Variants in CORO2B observed in about 807,000 individuals in gnomAD.
CORO2B encodes coronin 2B, also known as coronin-2B.
Under a neutral mutation model 58.8 loss-of-function variants are expected in CORO2B, and 26 were observed. The ratio of observed to expected loss-of-function variants is 0.44; its 90% CI spans 0.32 to 0.61. CORO2B has a LOEUF of 0.61. Ranked by LOEUF, CORO2B falls within the 20% of genes least tolerant of loss-of-function variation. The pLI, the probability that CORO2B is intolerant of heterozygous loss-of-function variation, is 0.04. For synonymous variants in CORO2B, 242 were observed against 253.8 expected, an observed-to-expected ratio of 0.95 and a Z score of 0.44; for missense variants, 460 against 645.1, an observed-to-expected ratio of 0.71 and a Z score of 3.11.
chr15:68,617,181 T>C (rs56327959), intron 1 of CORO2B, among the ~76,000 whole-genome samples: 5,550 of 151,360 alleles, frequency 0.037, 347 homozygotes, highest in African/African-American at 0.12. Context: ...GGGAATGGGA[T>C]GAGTCATATC....
At chr15:68,646,715 C>T (rs192645539) in intron 2 of CORO2B, among the ~76,000 whole-genome samples, 1 of 152,316 alleles carries the variant, frequency 6.6e-6, no homozygotes, top group East Asian at 1.9e-4. Flanking sequence ...TCCTCCTCTG[C>T]CTACATCTGT....
At chr15:68,680,022 G>A (rs892371942) in intron 2 of CORO2B, among the ~76,000 whole-genome samples, 3 of 151,996 alleles carry the variant, frequency 2.0e-5, no homozygotes, top group African/African-American at 7.3e-5. Flanking sequence ...AGTCTCTATG[G>A]TGTCTGGGCA....
chr15:68,683,759 G>A (rs984332786), intron 2 of CORO2B, among the ~76,000 whole-genome samples: 10 of 152,208 alleles, frequency 6.6e-5, no homozygotes, highest in African/African-American at 2.4e-4. Context: ...GCAAGAGAGT[G>A]TGGCCTTGGT....
chr15:68,719,339 C>T (rs1043643016), intron 10 of CORO2B, 74 bp from the exon 11 acceptor site: 1 of 1,603,314 alleles, frequency 6.2e-7, no homozygotes, highest in African/African-American at 1.3e-5. Context: ...AACTTCCCTC[C>T]CACCCAGCCT....
the CORO2B span, among the ~76,000 whole-genome samples, chr15:68,528,183 T>A: frequency 6.6e-6 from 1 of 152,168 alleles, no homozygotes; most frequent in East Asian, 1.9e-4. Flanking sequence ...TGAATAGAAG[T>A]AATAAAAGCA....
the CORO2B span, among the ~76,000 whole-genome samples, chr15:68,521,770 TTTTC>T: frequency 3.9e-5 from 6 of 151,912 alleles, no homozygotes; most frequent in Non-Finnish European, 7.4e-5. Context: ...TTGTTTTTTT[TTTTC>T]TTTCTCACTT....
intron 2 of CORO2B, among the ~76,000 whole-genome samples, chr15:68,670,192 T>C (rs1406650895): frequency 6.6e-6 from 1 of 152,142 alleles, no homozygotes; most frequent in Non-Finnish European, 1.5e-5. Flanking sequence ...TGTTTTGTTT[T>C]GAGACAGGAT....
chr15:68,615,806 C>A (rs572196743), intron 1 of CORO2B, among the ~76,000 whole-genome samples: 3 of 152,232 alleles, frequency 2.0e-5, no homozygotes, highest in Admixed American at 2.0e-4. Context: ...ACCTCCAGAG[C>A]CATGAGAAAT....
intron 1 of CORO2B, among the ~76,000 whole-genome samples, chr15:68,628,390 C>A (rs993707201): frequency 6.6e-6 from 1 of 152,194 alleles, no homozygotes; most frequent in African/African-American, 2.4e-5. Context: ...AAGATAATAG[C>A]GCCTGCCTCA....
At chr15:68,553,401 T>C in the CORO2B span, among the ~76,000 whole-genome samples, 1 of 151,798 alleles carries the variant, frequency 6.6e-6, no homozygotes, top group Admixed American at 6.6e-5. Context: ...GAGAGCGAGA[T>C]GTGATGATGG....
chr15:68,628,209 C>T (rs903308962), intron 1 of CORO2B, among the ~76,000 whole-genome samples: 1 of 152,234 alleles, frequency 6.6e-6, no homozygotes, highest in Non-Finnish European at 1.5e-5. Flanking sequence ...GCAGGCATGA[C>T]CTCATTTAAT....
the CORO2B span, among the ~76,000 whole-genome samples, chr15:68,532,738 G>C: frequency 6.6e-6 from 1 of 152,064 alleles, no homozygotes; most frequent in African/African-American, 2.4e-5. Context: ...TCAGTATTTT[G>C]TTGCCTTTGT....
chr15:68,623,080 A>C (rs1374140145), intron 1 of CORO2B, among the ~76,000 whole-genome samples: 1 of 152,122 alleles, frequency 6.6e-6, no homozygotes, highest in Non-Finnish European at 1.5e-5. Context: ...CAGGAGAATC[A>C]CTTGAACCTG....
Position 68,597,079 on chromosome 15 carries a change from CT to C in CORO2B, c.15+17815del, listed in dbSNP as rs755518983. On this transcript the variant is annotated intron_variant, in intron 1 of 11. Transcript: ENST00000261861. ...GTATTTTGAGCAGAAGCATATATAT[CT>C]TTTTTTTTTTTTCCTGCAGGGAATT... 6.8e-3 allele frequency among the ~76,000 whole-genome samples: 1,001 copies of C among 146,374 alleles called. 5 individuals carry two copies. Among genetic ancestry groups the C allele is most frequent in the African/African-American group, 0.015 (590 of 40,302 alleles).
chr15:68,676,301 A>T lies in CORO2B; in HGVS notation c.217-18839A>T, dbSNP rs562982960. ...TAGCGTCCGCATCTGTGGGTGAGGG[A>T]CATAGGAGTCATGATGAGCTGCACA... On this transcript the variant is annotated intron_variant, in intron 2 of 11. Coordinates refer to ENST00000261861, the MANE Select transcript of CORO2B (RefSeq NM_006091.5). Among the ~76,000 whole-genome samples the T allele has an allele frequency of 6.6e-5, 10 of 152,304 alleles. No individual in the cohort carries two copies. In the East Asian group the frequency reaches 1.9e-3, roughly 29 times the overall value.
At chr15:68,717,555 A>G (rs891284249) in intron 8 of CORO2B, among the ~76,000 whole-genome samples, 1 of 152,156 alleles carries the variant, frequency 6.6e-6, no homozygotes, top group African/African-American at 2.4e-5. Context: ...AGGGCTCAGA[A>G]TGACTCACTT....
At chr15:68,568,563 G>T in the CORO2B span, among the ~76,000 whole-genome samples, 1 of 152,042 alleles carries the variant, frequency 6.6e-6, no homozygotes, top group Non-Finnish European at 1.5e-5. Flanking sequence ...TAGATTTCTG[G>T]GACATCTGGG....
At chr15:68,551,562 A>G in the CORO2B span, among the ~76,000 whole-genome samples, 1 of 151,918 alleles carries the variant, frequency 6.6e-6, no homozygotes, top group Non-Finnish European at 1.5e-5. Context: ...CCCTGGCCCT[A>G]ACCAACCACC....
intron 1 of CORO2B, among the ~76,000 whole-genome samples, chr15:68,611,290 A>G (rs943436134): frequency 6.6e-6 from 1 of 152,196 alleles, no homozygotes; most frequent in African/African-American, 2.4e-5. Context: ...ATTCTGGAAA[A>G]TTTGAAAAAT....
Sources: allele counts gnomAD v4.1 joint callset (sites outside exome capture counted in the v4.1 genomes callset), GRCh38; gene constraint gnomAD v4.1.1; transcripts MANE v1.5; gene names NCBI Gene and HGNC (gene_info 2026-07-23, HGNC 2026-07-21).